Variants in WDR31 observed in about 807,000 individuals in gnomAD.
WDR31 encodes WD repeat domain 31.
WDR31 carries 30 observed loss-of-function variants against 47.3 expected under a neutral mutation model. The ratio of observed to expected loss-of-function variants is 0.63; its 90% CI spans 0.47 to 0.86. The LOEUF (loss-of-function observed/expected upper bound fraction) is 0.86, where lower values mean the gene tolerates loss of function less well. Ranked by LOEUF, WDR31 falls within the 40% of genes least tolerant of loss-of-function variation. The pLI, the probability that WDR31 is intolerant of heterozygous loss-of-function variation, is 0.00. For synonymous variants in WDR31, 137 were observed against 159.4 expected (o/e 0.86, Z 1.06); for missense variants, 406 against 442.9 (o/e 0.92, Z 0.75).
chr9:113,327,717 G>A (rs934582481), intron 5 of WDR31, among the ~76,000 whole-genome samples: 3 of 151,274 alleles, frequency 2.0e-5, no homozygotes, highest in Non-Finnish European at 2.9e-5. Flanking sequence ...TTAAACTCCC[G>A]GCCTCGGGCG....
At chr9:113,318,116 C>G (rs563413203) in intron 10 of WDR31, among the ~76,000 whole-genome samples, 52 of 152,162 alleles carry the variant, frequency 3.4e-4, no homozygotes, top group Admixed American at 1.1e-3. Context: ...ATCCTTACTC[C>G]CCCTTACCCT....
chr9:113,326,063 C>CA (rs1833457596), intron 5 of WDR31, among the ~76,000 whole-genome samples: 2 of 152,164 alleles, frequency 1.3e-5, no homozygotes, highest in Non-Finnish European at 2.9e-5. Context: ...AGGCATGCGC[C>CA]ACCACACCTG....
intron 10 of WDR31, among the ~76,000 whole-genome samples, chr9:113,317,323 T>C (rs1156984878): frequency 6.6e-6 from 1 of 152,098 alleles, no homozygotes; most frequent in African/African-American, 2.4e-5. Flanking sequence ...CGAAAGGCAG[T>C]CTTTGGGGGT....
Position 113,327,419 on chromosome 9 carries a change from G to GCACA in WDR31, c.324+1458_324+1461dup, listed in dbSNP as rs35798479. On this transcript the variant is annotated intron_variant, in intron 5 of 10. Transcript: ENST00000374193. ...CTTGATACATGCTCAAGTGTTACATGCACACACACACACACACACACACGT... is the reference window on the plus strand; with the variant it reads ...CTTGATACATGCTCAAGTGTTACATGCACACACACACACACACACACACACACGT... Among the ~76,000 whole-genome samples, 1,460 of 148,912 alleles carry GCACA rather than the reference G, an allele frequency of 9.8e-3. 50 individuals are homozygous for GCACA. The East Asian group carries it at 0.13, about 13-fold the overall frequency.
At chr9:113,336,950 CTTCTAGTCCAGAAT>C (rs1455263343) in intron 1 of WDR31, among the ~76,000 whole-genome samples, 1 of 152,198 alleles carries the variant, frequency 6.6e-6, no homozygotes, top group Admixed American at 6.5e-5. Flanking sequence ...AATCTCTTGA[CTTCTAGTCCAGAAT>C]TTCCATTATA....
chr9:113,331,623 T>C (rs367547364), intron 3 of WDR31, among the ~76,000 whole-genome samples: 1 of 152,186 alleles, frequency 6.6e-6, no homozygotes, highest in Non-Finnish European at 1.5e-5. Context: ...ATTTTTGTAT[T>C]TTTTGTAGAG....
intron 7 of WDR31, among the ~76,000 whole-genome samples, chr9:113,321,862 G>A (rs1833333400): frequency 6.6e-6 from 1 of 152,156 alleles, no homozygotes; most frequent in Admixed American, 6.5e-5. Context: ...AGATAGAACA[G>A]CTCCTGTTGT....
intron 2 of WDR31, among the ~76,000 whole-genome samples, chr9:113,333,002 C>T (rs1451431502): frequency 6.6e-6 from 1 of 152,180 alleles, no homozygotes; most frequent in Non-Finnish European, 1.5e-5. Context: ...GAGCCCTCAC[C>T]AGAAACAGAA....
chr9:113,319,077 C>A (rs191783464), intron 9 of WDR31, among the ~76,000 whole-genome samples: 97 of 152,214 alleles, frequency 6.4e-4, no homozygotes, highest in Middle Eastern at 3.4e-3. Flanking sequence ...GTTAGAAGTA[C>A]CCCATAGATA....
chr9:113,328,807 T>G lies in WDR31; in HGVS notation c.324+74A>C, dbSNP rs777524977. ...TCCTTAAGACCAAAGATTCAATCAC[T>G]CTTAATATCTAGAACTATTAGCTAT... On this transcript the variant is annotated intron_variant, in intron 5 of 10. Transcript: ENST00000374193. 1.5e-5 allele frequency: 19 copies of G among 1,290,436 alleles called. No individual in the cohort carries two copies. The African/African-American group carries it at 2.6e-4, about 18-fold the overall frequency. 79.9% of individuals were successfully genotyped at this position (1,290,436 alleles called of 1,614,324 possible). A position where few individuals can be genotyped will look rare whatever the true frequency, so the allele number is the denominator to read the frequency against.
Position 113,318,589 on chromosome 9 carries a change from G to T in WDR31, c.829C>A (p.His277Asn), listed in dbSNP as rs1333157610. 1 of 1,614,044 alleles carries T rather than the reference G, an allele frequency of 6.2e-7. No individual in the cohort carries two copies. Among genetic ancestry groups the T allele is most frequent in the African/African-American group, 1.3e-5 (1 of 74,932 alleles). The part of the protein sequence containing the change: ...TRNRICEYKG[H>N]FQTVASCVFL... ...ACGCAGGATGCGACAGTCTGGAAAT[G>T]CCCCTTATACTCACATATTCTGTTT... Residue 277 changes from histidine to asparagine, a missense_variant, in exon 10 of 11, where the codon CAT becomes AAT. His to Asn is a moderately conservative substitution (Grantham distance 68). Transcript: ENST00000374193.
intron 5 of WDR31, among the ~76,000 whole-genome samples, chr9:113,327,475 TCACA>T (rs930162825): frequency 3.3e-5 from 5 of 151,548 alleles, no homozygotes; most frequent in East Asian, 3.9e-4. Context: ...GCACACACAC[TCACA>T]CACAGTCAAT....
chr9:113,319,066 A>G (rs1337201718), intron 9 of WDR31, among the ~76,000 whole-genome samples: 1 of 152,184 alleles, frequency 6.6e-6, no homozygotes, highest in Non-Finnish European at 1.5e-5. Context: ...GGGACCCCGT[A>G]GTTAGAAGTA....
At chr9:113,329,516 T>A (rs538511803) in intron 4 of WDR31, among the ~76,000 whole-genome samples, 1 of 150,582 alleles carries the variant, frequency 6.6e-6, no homozygotes, top group African/African-American at 2.4e-5. Flanking sequence ...GGCACATGCC[T>A]GTAATCCCAG....
At chr9:113,321,061 A>G (rs1833315845) in intron 8 of WDR31, among the ~76,000 whole-genome samples, 1 of 152,170 alleles carries the variant, frequency 6.6e-6, no homozygotes, top group Admixed American at 6.5e-5. Flanking sequence ...TCTCCGGTCT[A>G]AGAACTATTG....
intron 5 of WDR31, among the ~76,000 whole-genome samples, chr9:113,325,109 C>A (rs1008951711): frequency 6.6e-6 from 1 of 151,034 alleles, no homozygotes; most frequent in Non-Finnish European, 1.5e-5. Flanking sequence ...CCATGCCTGG[C>A]TAATTCTTTT....
At chr9:113,323,276 T>C in intron 5 of WDR31, 121 bp from the exon 6 acceptor site, 4 of 1,296,580 alleles carry the variant, frequency 3.1e-6, no homozygotes, top group Non-Finnish European at 4.2e-6. Flanking sequence ...TTTTCTTTTT[T>C]TTTGAGACGG....
At chr9:113,328,996 G>T (rs545007867) in intron 4 of WDR31, 41 bp from the exon 5 acceptor site, 1 of 1,553,804 alleles carries the variant, frequency 6.4e-7, no homozygotes, top group East Asian at 2.2e-5. Context: ...CTCAATTCTT[G>T]TTAAAGTGAC....
chr9:113,322,781 C>T (rs1373477048), intron 7 of WDR31, 30 bp downstream of exon 7: 1 of 1,610,018 alleles, frequency 6.2e-7, no homozygotes, highest in Admixed American at 1.7e-5. Flanking sequence ...CTTTCTGCTG[C>T]CCTGTTCTGT....
Sources: gnomAD v4.1 joint callset for allele counts (sites outside exome capture counted in the v4.1 genomes callset) on GRCh38, gnomAD v4.1.1 for gene constraint, MANE v1.5 for transcripts, NCBI Gene and HGNC (gene_info 2026-07-23, HGNC 2026-07-21) for gene names.